The following USP31 variants were observed in gnomAD, a reference collection of about 807,000 sequenced individuals.
USP31 encodes the protein ubiquitin specific peptidase 31.
Under a neutral mutation model 119.4 loss-of-function variants are expected in USP31, and 44 were observed. The observed-to-expected ratio is 0.37, with a 90% confidence interval of 0.29 to 0.47. The LOEUF is 0.47. Among genes scored for constraint, USP31 ranks in the 20% least tolerant of loss-of-function variants. USP31 has a pLI of 0.99. For missense variants in USP31, 1,643 were observed against 1,730.2 expected (o/e 0.95, Z 0.89); for synonymous variants, 749 against 705.6 (o/e 1.06, Z -0.97).
At position 23,087,776 on chromosome 16, in the gene USP31, T is replaced by C. The variant is rs540625727; in HGVS notation, c.1475A>G (p.Lys492Arg). The change falls in exon 8 of 16, where the codon AAG becomes AGG. Residue 492 changes from lysine (K) to arginine (R), a missense_variant. By Grantham distance (26) the Lys-to-Arg change is conservative. Coordinates refer to ENST00000219689, the MANE Select transcript of USP31 (RefSeq NM_020718.4). ...EKTIAWDLLQ[K>R]EILEKMKYFL... Reference sequence around the variant, plus strand: ...ATACTTCATCTTCTCCAAGATTTCCTTCTGCAGAAGGTCCCAAGCTATTGT... The same window carrying C: ...ATACTTCATCTTCTCCAAGATTTCCCTCTGCAGAAGGTCCCAAGCTATTGT... 1 of 1,614,148 alleles carries C rather than the reference T, an allele frequency of 6.2e-7. No homozygotes were observed. The highest frequency in any genetic ancestry group is 1.7e-5 in the Admixed American group (1 of 60,028).
At chr16:23,105,116 C>T (rs1902041832) in intron 5 of USP31, among the ~76,000 whole-genome samples, 1 of 152,154 alleles carries the variant, frequency 6.6e-6, no homozygotes, top group African/African-American at 2.4e-5. Flanking sequence ...TCAAACACTG[C>T]GAGGACGCTC....
intron 1 of USP31, among the ~76,000 whole-genome samples, chr16:23,135,051 C>T (rs1323959526): frequency 7.2e-6 from 1 of 138,776 alleles, no homozygotes; most frequent in Non-Finnish European, 1.6e-5. Flanking sequence ...GTAACATTAA[C>T]AAAATAATGA....
chr16:23,131,961 T>A (rs945510736), intron 1 of USP31, among the ~76,000 whole-genome samples: 2 of 152,206 alleles, frequency 1.3e-5, no homozygotes, highest in South Asian at 4.1e-4. Flanking sequence ...ACCAGTCCTA[T>A]GAAATCTTCT....
chr16:23,097,047 T>C (rs1170360566), intron 6 of USP31, among the ~76,000 whole-genome samples: 4 of 151,892 alleles, frequency 2.6e-5, no homozygotes, highest in Non-Finnish European at 5.9e-5. Context: ...AATAAATGAA[T>C]CTAGGAGCTG....
chr16:23,144,538 G>T (rs1903450644), intron 1 of USP31, among the ~76,000 whole-genome samples: 1 of 151,898 alleles, frequency 6.6e-6, no homozygotes. Flanking sequence ...GGAGCGCAGT[G>T]ACATGATCTC....
chr16:23,118,152 G>C (rs752837162), intron 1 of USP31, among the ~76,000 whole-genome samples: 1 of 152,070 alleles, frequency 6.6e-6, no homozygotes, highest in African/African-American at 2.4e-5. Flanking sequence ...TGCAAAATGG[G>C]AATGGTGATA....
chr16:23,072,816 T>C (rs1485088188), intron 14 of USP31, among the ~76,000 whole-genome samples: 1 of 152,120 alleles, frequency 6.6e-6, no homozygotes, highest in Non-Finnish European at 1.5e-5. Flanking sequence ...GAAGGTGTCA[T>C]TTCTGAGCAC....
intron 15 of USP31, among the ~76,000 whole-genome samples, chr16:23,070,985 G>A (rs1008395865): frequency 5.9e-5 from 9 of 152,238 alleles, no homozygotes; most frequent in East Asian, 1.9e-4. Flanking sequence ...GAGGCTTATC[G>A]TTAAAATGAC....
chr16:23,121,325 C>A (rs1902661723), intron 1 of USP31, among the ~76,000 whole-genome samples: 1 of 152,134 alleles, frequency 6.6e-6, no homozygotes, highest in African/African-American at 2.4e-5. Flanking sequence ...TCAATCACAG[C>A]CTCCGCCCAT....
chr16:23,149,018 G>T lies in USP31; in HGVS notation c.253C>A (p.Pro85Thr). The T allele has an allele frequency of 8.6e-7, 1 of 1,159,798 alleles. No homozygotes were observed. Among genetic ancestry groups the T allele is most frequent in the Non-Finnish European group, 1.1e-6 (1 of 922,706 alleles). 71.8% of individuals were successfully genotyped at this position (1,159,798 alleles called of 1,614,324 possible). The part of the protein sequence containing the change: ...LSHLSSEGAA[P>T]DRGGLRSCFP... ...CAGCTGCGGAGGCCGCCGCGGTCTGGGGCGGCGCCCTCAGAGCTAAGGTGC... is the reference window on the plus strand; with the variant it reads ...CAGCTGCGGAGGCCGCCGCGGTCTGTGGCGGCGCCCTCAGAGCTAAGGTGC... The change falls in exon 1 of 16, where the codon CCA becomes ACA. Residue 85 changes from proline to threonine, a missense_variant. Physicochemically the swap from Pro to Thr is conservative, Grantham distance 38. Coordinates refer to ENST00000219689, the MANE Select transcript of USP31 (RefSeq NM_020718.4).
Position 23,068,363 on chromosome 16 carries a change from C to A in USP31, c.3742G>T (p.Ala1248Ser). ...CCACCAGCCTTTTTAGAGAGCAAGG[C>A]TGTCTTGCCAAGATCCGTCGAGCGC... ...TRRSTDLGKT[A>S]LLSKKAGGSS... The change falls in exon 16 of 16, where the codon GCC becomes TCC. Residue 1248 changes from alanine to serine, a missense_variant. Ala to Ser is a moderately conservative substitution (Grantham distance 99). Coordinates refer to ENST00000219689, the MANE Select transcript of USP31 (RefSeq NM_020718.4). The A allele has an allele frequency of 6.2e-7, 1 of 1,614,204 alleles. No homozygotes were observed. The highest frequency in any genetic ancestry group is 8.5e-7 in the Non-Finnish European group (1 of 1,180,040).
chr16:23,074,294 C>A (rs913805126), intron 13 of USP31, among the ~76,000 whole-genome samples: 1 of 152,068 alleles, frequency 6.6e-6, no homozygotes, highest in Admixed American at 6.5e-5. Flanking sequence ...CACAGGACAG[C>A]CCCCTGCAAG....
chr16:23,144,648 T>G (rs1903454164), intron 1 of USP31, among the ~76,000 whole-genome samples: 1 of 151,952 alleles, frequency 6.6e-6, no homozygotes, highest in African/African-American at 2.4e-5. Flanking sequence ...CTCGGCTACT[T>G]TTTGTATTTT....
At chr16:23,105,677 C>T in intron 4 of USP31, 101 bp from the exon 5 acceptor site, 2 of 1,286,468 alleles carry the variant, frequency 1.6e-6, no homozygotes, top group African/African-American at 1.5e-5. Context: ...AAAACTAAAG[C>T]TAACCCACAC....
intron 12 of USP31, among the ~76,000 whole-genome samples, chr16:23,081,958 G>A (rs1462757119): frequency 6.6e-6 from 1 of 152,218 alleles, no homozygotes; most frequent in Non-Finnish European, 1.5e-5. Context: ...CTTACAATGA[G>A]ACTGTCTAGA....
At chr16:23,105,680 A>C in intron 4 of USP31, 104 bp from the exon 5 acceptor site, 2 of 1,275,994 alleles carry the variant, frequency 1.6e-6, no homozygotes, top group South Asian at 2.3e-5. Context: ...ACTAAAGCTA[A>C]CCCACACTGT....
At chr16:23,082,827 C>CTTTTTT (rs1200485986) in intron 11 of USP31, among the ~76,000 whole-genome samples, 14 of 120,368 alleles carry the variant, frequency 1.2e-4, no homozygotes, top group African/African-American at 3.7e-4. Flanking sequence ...CTTTCTTTCT[C>CTTTTTT]TCTCTTTTTT....
At chr16:23,069,905 G>C (rs897319760) in intron 15 of USP31, among the ~76,000 whole-genome samples, 2 of 152,204 alleles carry the variant, frequency 1.3e-5, no homozygotes, top group African/African-American at 4.8e-5. Context: ...TCCTGTGAAG[G>C]CCTAGACAGC....
At chr16:23,077,322 G>GA (rs1204918978) in intron 13 of USP31, among the ~76,000 whole-genome samples, 2 of 152,010 alleles carry the variant, frequency 1.3e-5, no homozygotes, top group East Asian at 1.9e-4. Flanking sequence ...AAATGAGTTT[G>GA]AAAAAAAGAA....
Sources: gnomAD v4.1 joint callset for allele counts (sites outside exome capture counted in the v4.1 genomes callset) on GRCh38, gnomAD v4.1.1 for gene constraint, MANE v1.5 for transcripts, NCBI Gene and HGNC (gene_info 2026-07-23, HGNC 2026-07-21) for gene names.